The following FIGLA variants were observed in gnomAD, a reference collection of about 807,000 sequenced individuals.
FIGLA encodes factor in the germline alpha.
FIGLA carries 17 observed loss-of-function variants against 21.5 expected under a neutral mutation model. The observed-to-expected ratio is 0.79, with a 90% CI of 0.54 to 1.19. FIGLA has a LOEUF of 1.19. Ranked by LOEUF, FIGLA falls within the 50% of genes most tolerant of loss-of-function variation. The pLI is 0.00. For synonymous variants in FIGLA, 129 were observed against 117.6 expected, an observed-to-expected ratio of 1.10 and a Z score of -0.63; for missense variants, 282 against 285.0, an observed-to-expected ratio of 0.99 and a Z score of 0.08.
chr2:70,778,635 T>G (rs1249500496), intron 3 of FIGLA, among the ~76,000 whole-genome samples: 6 of 152,196 alleles, frequency 3.9e-5, no homozygotes, highest in Admixed American at 3.9e-4. Flanking sequence ...TTTTTAAGAA[T>G]TAGCTGGAAA....
intron 4 of FIGLA, 59 bp from the exon 5 acceptor site, chr2:70,777,441 A>C (rs892878640): frequency 7.3e-7 from 1 of 1,373,352 alleles, no homozygotes; most frequent in Non-Finnish European, 9.8e-7. Flanking sequence ...TTTACAAAAG[A>C]AATAAAGAAA....
intron 3 of FIGLA, among the ~76,000 whole-genome samples, chr2:70,780,757 A>G (rs1675839544): frequency 6.6e-6 from 1 of 152,196 alleles, no homozygotes; most frequent in Non-Finnish European, 1.5e-5. Flanking sequence ...TACTAATGTC[A>G]TCAGTTGGGT....
chr2:70,789,662 C>G (rs1164306370), intron 1 of FIGLA, among the ~76,000 whole-genome samples: 1 of 152,188 alleles, frequency 6.6e-6, no homozygotes, highest in Non-Finnish European at 1.5e-5. Context: ...CCTCACCCTT[C>G]TCTCTCCTGG....
rs146755953 is a variant in FIGLA at position 70,779,319 on chromosome 2, T to C, written c.610-1648A>G. ...TCATCAGAATATGCCCCATGGGCTA[T>C]TGGTGAACCCCAGGGCAGATGACTG... is the stretch of plus-strand genomic sequence containing the variant. On this transcript the variant is annotated intron_variant, in intron 3 of 4. Transcript: ENST00000332372. 4.5e-3 allele frequency among the ~76,000 whole-genome samples: 679 copies of C among 152,240 alleles called. 3 individuals are homozygous for C. The highest frequency in any genetic ancestry group is 7.3e-3 in the Admixed American group (111 of 15,298).
chr2:70,787,113 C>T (rs1460468020), intron 2 of FIGLA, among the ~76,000 whole-genome samples: 1 of 152,206 alleles, frequency 6.6e-6, no homozygotes, highest in Admixed American at 6.5e-5. Context: ...GTTTACAGGG[C>T]CATTTGTGTC....
chr2:70,778,566 A>G (rs1675803858), intron 3 of FIGLA, among the ~76,000 whole-genome samples: 1 of 152,154 alleles, frequency 6.6e-6, no homozygotes, highest in African/African-American at 2.4e-5. Flanking sequence ...CTGAAGGATT[A>G]AAGGATGACA....
In FIGLA at chr2:70,777,356, CT is replaced by C. The variant is rs782355475; in HGVS notation, c.*10del. 8 of 1,493,836 alleles carry C rather than the reference CT, an allele frequency of 5.4e-6. No individual in the cohort carries two copies. The East Asian group carries it at 7.4e-5, about 14-fold the overall frequency. The allele number at this position is 1,493,836 out of a possible 1,614,324, so 92.5% of individuals were successfully genotyped here. On this transcript the variant is annotated 3_prime_UTR_variant, in exon 5 of 5. Coordinates refer to ENST00000332372, the MANE Select transcript of FIGLA (RefSeq NM_001004311.3). Reference sequence around the variant, plus strand: ...TTGTCTCTAGAAGGTAACCCTGGGCCTTTTCATTTTTCATACTTGTGGAAGT... The same window carrying C: ...TTGTCTCTAGAAGGTAACCCTGGGCCTTTCATTTTTCATACTTGTGGAAGT...
At chr2:70,779,500 G>A (rs6546626) in intron 3 of FIGLA, among the ~76,000 whole-genome samples, 74,174 of 151,914 alleles carry the variant, frequency 0.49, 18,582 homozygotes, top group East Asian at 0.74. Flanking sequence ...TAGCCAAACC[G>A]TCTCATTTCA....
intron 3 of FIGLA, among the ~76,000 whole-genome samples, chr2:70,778,425 T>C (rs1400498338): frequency 6.6e-6 from 1 of 152,148 alleles, no homozygotes; most frequent in Non-Finnish European, 1.5e-5. Context: ...GTCTTTCCAC[T>C]ATACAAGTGA....
chr2:70,782,712 C>A (rs1213339844), intron 3 of FIGLA, among the ~76,000 whole-genome samples: 1 of 152,194 alleles, frequency 6.6e-6, no homozygotes, highest in Non-Finnish European at 1.5e-5. Flanking sequence ...GAAAAAAGTT[C>A]TTTGTACTGC....
chr2:70,783,532 G>T (rs1407283014), intron 3 of FIGLA, among the ~76,000 whole-genome samples: 1 of 152,178 alleles, frequency 6.6e-6, no homozygotes, highest in African/African-American at 2.4e-5. Flanking sequence ...GGTCCAACAG[G>T]ACTGGCAGGA....
intron 3 of FIGLA, among the ~76,000 whole-genome samples, chr2:70,778,675 A>G (rs931621246): frequency 1.2e-4 from 18 of 152,174 alleles, no homozygotes; most frequent in African/African-American, 3.9e-4. Context: ...TAAGTATGAG[A>G]ATAGAAAAAC....
chr2:70,789,319 T>C (rs6546633), intron 1 of FIGLA, among the ~76,000 whole-genome samples: 82,873 of 151,900 alleles, frequency 0.55, 23,899 homozygotes, highest in East Asian at 0.74. Context: ...TAATAAAGCT[T>C]ATTCGTGTTT....
intron 1 of FIGLA, among the ~76,000 whole-genome samples, chr2:70,788,531 G>A (rs1157943237): frequency 6.6e-6 from 1 of 152,094 alleles, no homozygotes. Context: ...CATCCCCCTG[G>A]GAGATACAGG....
At chr2:70,777,496 TAA>T (rs1316098515) in intron 4 of FIGLA, 114 bp from the exon 5 acceptor site, 5 of 1,377,830 alleles carry the variant, frequency 3.6e-6, no homozygotes, top group Non-Finnish European at 4.9e-6. Context: ...TGTTTAAATT[TAA>T]AGATACTACT....
chr2:70,787,942 C>T (rs1433455638), intron 1 of FIGLA, 141 bp from the exon 2 acceptor site: 3 of 793,332 alleles, frequency 3.8e-6, no homozygotes, highest in Non-Finnish European at 5.9e-6. Flanking sequence ...AGAGTCAGTG[C>T]TCCACCAGCA....
At chr2:70,783,409 T>G (rs1553389413) in intron 3 of FIGLA, among the ~76,000 whole-genome samples, 1 of 152,244 alleles carries the variant, frequency 6.6e-6, no homozygotes, top group Non-Finnish European at 1.5e-5. Flanking sequence ...ACGTGGCCTA[T>G]GCCCAGGTTC....
At chr2:70,781,972 T>A (rs1174129539) in intron 3 of FIGLA, among the ~76,000 whole-genome samples, 1 of 152,232 alleles carries the variant, frequency 6.6e-6, no homozygotes, top group African/African-American at 2.4e-5. Flanking sequence ...ATACTATAGT[T>A]ATGGAAGATG....
At chr2:70,789,143 T>A (rs1386657208) in intron 1 of FIGLA, among the ~76,000 whole-genome samples, 2 of 151,186 alleles carry the variant, frequency 1.3e-5, no homozygotes, top group African/African-American at 2.4e-5. Context: ...ATGTACTGAA[T>A]ATTTTGTAAA....
Sources: allele counts gnomAD v4.1 joint callset (sites outside exome capture counted in the v4.1 genomes callset), GRCh38; gene constraint gnomAD v4.1.1; transcripts MANE v1.5; gene names NCBI Gene and HGNC (gene_info 2026-07-23, HGNC 2026-07-21).